DDX60L: variants seen among roughly 807,000 people sequenced by gnomAD.
The protein encoded by DDX60L is probable ATP-dependent RNA helicase DDX60-like.
DDX60L carries 191 observed loss-of-function variants against 211.6 expected under a neutral mutation model. That is an observed-to-expected ratio of 0.90 (90% confidence interval 0.80 to 1.02). DDX60L has a LOEUF of 1.02. Ranked by LOEUF, DDX60L falls within the 50% of genes least tolerant of loss-of-function variation. DDX60L has a pLI of 0.00. For missense variants in DDX60L, 2,007 were observed against 1,984.1 expected (o/e 1.01, Z -0.22); for synonymous variants, 706 against 694.1 (o/e 1.02, Z -0.27).
At chr4:168,369,197 G>C (rs1231459894) in intron 36 of DDX60L, among the ~76,000 whole-genome samples, 2 of 152,152 alleles carry the variant, frequency 1.3e-5, no homozygotes, top group Non-Finnish European at 2.9e-5. Flanking sequence ...GTCATGGGAG[G>C]AACCCGGTGC....
At chr4:168,465,225 G>C (rs774798375) in intron 4 of DDX60L, among the ~76,000 whole-genome samples, 1 of 151,476 alleles carries the variant, frequency 6.6e-6, no homozygotes, top group Non-Finnish European at 1.5e-5. Flanking sequence ...GTTTGGATTT[G>C]CATTTCTCCG....
intron 29 of DDX60L, among the ~76,000 whole-genome samples, chr4:168,385,722 G>C (rs945472265): frequency 1.3e-5 from 2 of 152,198 alleles, no homozygotes; most frequent in South Asian, 4.1e-4. Flanking sequence ...GGTCACAGAA[G>C]TCTTCTGTGT....
At position 168,441,594 on chromosome 4, in the gene DDX60L, T is replaced by A. The variant is rs563933757; in HGVS notation, c.1139-102A>T. On this transcript the variant is annotated intron_variant, in intron 9 of 37. Transcript: ENST00000682922. The stretch of plus-strand genomic sequence containing the variant: ...AATTCATAGAGCTCTGGAAAGATGA[T>A]CAAATATGGAAACTTACAGTGAGTT... 1.0e-5 allele frequency: 10 copies of A among 963,830 alleles called. No individual in the cohort carries two copies. In the South Asian group the frequency reaches 1.3e-4, roughly 12 times the overall value. 59.7% of individuals were successfully genotyped at this position (963,830 alleles called of 1,614,324 possible). A position where few individuals can be genotyped will look rare whatever the true frequency, so the allele number is the denominator to read the frequency against.
At chr4:168,420,413 T>G (rs1304640458) in intron 17 of DDX60L, 33 bp from the exon 18 acceptor site, 44 of 1,585,234 alleles carry the variant, frequency 2.8e-5, no homozygotes, top group Non-Finnish European at 3.6e-5. Context: ...ATTAGTCACT[T>G]AGTAGAGAAG....
rs1423015825 is a variant in DDX60L at position 168,420,457 on chromosome 4, TACACATACACACAC to T, written c.2395-91_2395-78del. On this transcript the variant is annotated intron_variant, in intron 17 of 37. Transcript: ENST00000682922. ...AAAACCTTGAGGACAACCGAATCCATACACATACACACACACACACACACACACACACACACACA... is the reference window on the plus strand; with the variant it reads ...AAAACCTTGAGGACAACCGAATCCATACACACACACACACACACACACACA... 3.7e-5 allele frequency: 30 copies of T among 816,132 alleles called. 1 individual carries two copies. In the East Asian group the frequency reaches 6.2e-4, roughly 17 times the overall value. The allele number at this position is 816,132 out of a possible 1,614,324, so 50.6% of individuals were successfully genotyped here.
At chr4:168,444,278 A>C in intron 9 of DDX60L, among the ~76,000 whole-genome samples, 2 of 118,460 alleles carry the variant, frequency 1.7e-5, no homozygotes, top group African/African-American at 3.2e-5. Context: ...AAAGAGACAA[A>C]GAAGGCCATT....
rs1320183508 is a variant in DDX60L at position 168,453,254 on chromosome 4, T to C, written c.866A>G (p.Glu289Gly). The change falls in exon 8 of 38, where the codon GAG becomes GGG. Residue 289 changes from glutamate (E) to glycine (G), a missense_variant. Transcript: ENST00000682922. ...ACGCAGTCTGCAGAAATCTTCCACC[T>C]CCTGCAGGGATAGGCAATTACTGTG... Reference protein sequence around the residue: ...LVHSNCLSLQEVEDFCRLRCL... With the variant: ...LVHSNCLSLQGVEDFCRLRCL... 6.2e-7 allele frequency: 1 copy of C among 1,612,310 alleles called. No homozygotes were observed. The highest frequency in any genetic ancestry group is 8.5e-7 in the Non-Finnish European group (1 of 1,179,022).
intron 12 of DDX60L, 85 bp from the exon 13 acceptor site, chr4:168,430,723 C>T: frequency 9.8e-7 from 1 of 1,022,156 alleles, no homozygotes; most frequent in Non-Finnish European, 1.3e-6. Context: ...TTTTTTAACT[C>T]CAGAATAATA....
Position 168,471,793 on chromosome 4 carries a change from ACAAGATAG to A in DDX60L, c.210_217del (p.Tyr71GlyfsTer5), listed in dbSNP as rs1290129152. ...TTGTCCTCCGTTACTCAGAAGATCC[ACAAGATAG>A]CATTCAACCAGATAGAAAAAGTGGA... On this transcript the variant is annotated frameshift_variant, in exon 4 of 38. Coordinates refer to ENST00000682922, the MANE Select transcript of DDX60L (RefSeq NM_001012967.3). LOFTEE classifies it high-confidence loss of function. 4 of 1,612,288 alleles carry A rather than the reference ACAAGATAG, an allele frequency of 2.5e-6. No individual in the cohort carries two copies. Among genetic ancestry groups the A allele is most frequent in the Non-Finnish European group, 3.4e-6 (4 of 1,179,616 alleles).
In DDX60L at chr4:168,391,823, T is replaced by C. The variant is rs116594113; in HGVS notation, c.3811-179A>G. 9.8e-3 allele frequency among the ~76,000 whole-genome samples: 1,500 copies of C among 152,322 alleles called. 21 individuals carry two copies. Among genetic ancestry groups the C allele is most frequent in the African/African-American group, 0.032 (1,331 of 41,572 alleles). On this transcript the variant is annotated intron_variant, in intron 28 of 37. Transcript: ENST00000682922. Reference sequence around the variant, plus strand: ...TGCCTGATTATTCAAAGAACATTGCTACTTCAGCATCCTAACTGTTGCCAT... The same window carrying C: ...TGCCTGATTATTCAAAGAACATTGCCACTTCAGCATCCTAACTGTTGCCAT...
At chr4:168,364,639 C>T (rs1460086848) in intron 36 of DDX60L, among the ~76,000 whole-genome samples, 1 of 152,136 alleles carries the variant, frequency 6.6e-6, no homozygotes, top group Non-Finnish European at 1.5e-5. Context: ...CCTCAACCTC[C>T]CAAAGTGCTG....
chr4:168,458,005 C>A lies in DDX60L; in HGVS notation c.610G>T (p.Glu204Ter). 3 of 1,517,500 alleles carry A rather than the reference C, an allele frequency of 2.0e-6. No individual in the cohort carries two copies. Among genetic ancestry groups the A allele is most frequent in the Non-Finnish European group, 2.7e-6 (3 of 1,120,260 alleles). The allele number at this position is 1,517,500 out of a possible 1,614,324, so 94.0% of individuals were successfully genotyped here. ...DRNQTFSKEN[E>*]TVIQSAYKSL... ...TTATATGCACTCTGAATCACTGTTT[C>A]ATTCTGTAAAAGGGAGAAAACCATA... is the stretch of plus-strand genomic sequence containing the variant. The change falls in exon 6 of 38, where the codon GAA becomes TAA. Residue 204 changes from glutamate to a stop codon, truncating the protein, a stop_gained. Transcript: ENST00000682922. LOFTEE classifies it high-confidence loss of function.
At chr4:168,448,288 C>T (rs1363219187) in intron 9 of DDX60L, among the ~76,000 whole-genome samples, 2 of 151,928 alleles carry the variant, frequency 1.3e-5, no homozygotes, top group South Asian at 2.1e-4. Context: ...TATGTATGTA[C>T]CAAAATGCAG....
intron 12 of DDX60L, among the ~76,000 whole-genome samples, chr4:168,431,332 G>T (rs891251865): frequency 1.3e-5 from 2 of 152,170 alleles, no homozygotes; most frequent in Non-Finnish European, 2.9e-5. Context: ...TGTTTTGGAT[G>T]TTGTTGCTTT....
chr4:168,415,601 A>C, intron 21 of DDX60L, 56 bp downstream of exon 21: 1 of 1,433,250 alleles, frequency 7.0e-7, no homozygotes. Flanking sequence ...TCCCTATAAA[A>C]AGCTTTGTAG....
intron 29 of DDX60L, chr4:168,390,375 A>C: frequency 8.4e-7 from 1 of 1,185,024 alleles, no homozygotes; most frequent in Non-Finnish European, 1.0e-6. Context: ...AGAACATGGT[A>C]AAAGGTGATA....
At chr4:168,368,185 C>T (rs867982678) in intron 36 of DDX60L, among the ~76,000 whole-genome samples, 1 of 152,176 alleles carries the variant, frequency 6.6e-6, no homozygotes, top group African/African-American at 2.4e-5. Flanking sequence ...GTCTGGAAAC[C>T]CAGGAGGAAA....
At chr4:168,457,869 T>C in intron 6 of DDX60L, 23 bp downstream of exon 6, 2 of 1,417,650 alleles carry the variant, frequency 1.4e-6, no homozygotes, top group Non-Finnish European at 1.9e-6. Flanking sequence ...AACTTTTATT[T>C]AAAGAAATAA....
intron 29 of DDX60L, among the ~76,000 whole-genome samples, chr4:168,385,931 C>CCA (rs1177119222): frequency 4.6e-5 from 7 of 151,098 alleles, no homozygotes; most frequent in South Asian, 2.1e-4. Context: ...CTCTTTCTCA[C>CCA]CACACACACA....
Sources: allele counts gnomAD v4.1 joint callset (sites outside exome capture counted in the v4.1 genomes callset), GRCh38; gene constraint gnomAD v4.1.1; transcripts MANE v1.5; gene names NCBI Gene and HGNC (gene_info 2026-07-23, HGNC 2026-07-21).